The following CREM variants were observed in gnomAD, a reference collection of about 807,000 sequenced individuals.
CREM encodes cAMP-responsive element modulator.
In CREM, 13 loss-of-function variants were observed where a neutral mutation model predicts 37.3. The observed-to-expected ratio is 0.35, with a 90% CI of 0.23 to 0.55. The LOEUF is 0.55. CREM is among the 20% of genes least tolerant of loss of function. CREM has a pLI of 0.88. For synonymous variants in CREM, 124 were observed against 120.2 expected (o/e 1.03, Z -0.21); for missense variants, 296 against 362.3 (o/e 0.82, Z 1.49).
intron 5 of CREM, among the ~76,000 whole-genome samples, chr10:35,184,576 A>T (rs1246529849): frequency 6.6e-6 from 1 of 152,194 alleles, no homozygotes; most frequent in Non-Finnish European, 1.5e-5. Flanking sequence ...GCCTGACTTA[A>T]TCAGTAGAAA....
At chr10:35,162,401 A>G (rs751482930) in intron 3 of CREM, among the ~76,000 whole-genome samples, 1 of 152,136 alleles carries the variant, frequency 6.6e-6, no homozygotes, top group East Asian at 1.9e-4. Flanking sequence ...AAATGCAGAG[A>G]TAGTTGAATG....
intron 6 of CREM, among the ~76,000 whole-genome samples, chr10:35,194,614 G>T (rs146335366): frequency 1.7e-3 from 260 of 152,202 alleles, no homozygotes; most frequent in African/African-American, 5.7e-3. Context: ...GGAAGAGTTG[G>T]ATTTTTTGAT....
chr10:35,187,153 A>AT (rs1462171042), intron 5 of CREM, among the ~76,000 whole-genome samples: 3 of 54,366 alleles, frequency 5.5e-5, no homozygotes, highest in African/African-American at 7.2e-5. Flanking sequence ...TATAATATAT[A>AT]TAATATATAT....
rs536749115 is a variant in CREM at position 35,151,762 on chromosome 10, C to T, written c.168+3271C>T. On this transcript the variant is annotated intron_variant, in intron 3 of 7. Transcript: ENST00000685392. Reference sequence around the variant, plus strand: ...GATTAAGAAGTAATCTGTATGCCGACTTATGGATTATTTTAGTTAACTAAG... The same window carrying T: ...GATTAAGAAGTAATCTGTATGCCGATTTATGGATTATTTTAGTTAACTAAG... Among the ~76,000 whole-genome samples the T allele has an allele frequency of 3.3e-5, 5 of 152,238 alleles. No homozygotes were observed. The East Asian group carries it at 5.8e-4, about 18-fold the overall frequency.
chr10:35,185,415 C>A (rs1465330396), intron 5 of CREM, among the ~76,000 whole-genome samples: 2 of 152,218 alleles, frequency 1.3e-5, no homozygotes, highest in African/African-American at 4.8e-5. Context: ...AGGCTTTGTA[C>A]TTCTAATACA....
intron 3 of CREM, 199 bp downstream of exon 3, chr10:35,148,690 C>T (rs940412922): frequency 1.7e-5 from 9 of 517,542 alleles, no homozygotes; most frequent in Non-Finnish European, 2.6e-5. Context: ...GCCCCATCTC[C>T]ATTGCCACCA....
At chr10:35,207,669 G>C (rs1370689110) in intron 7 of CREM, among the ~76,000 whole-genome samples, 1 of 152,008 alleles carries the variant, frequency 6.6e-6, no homozygotes, top group Non-Finnish European at 1.5e-5. Flanking sequence ...AGCTACTCGG[G>C]AGGCTGAGGC....
At chr10:35,161,892 G>A (rs1486135589) in intron 3 of CREM, among the ~76,000 whole-genome samples, 1 of 152,110 alleles carries the variant, frequency 6.6e-6, no homozygotes, top group Non-Finnish European at 1.5e-5. Flanking sequence ...AAAAATAGAA[G>A]TACCAGATGA....
chr10:35,189,131 T>C (rs2094790847), intron 6 of CREM, among the ~76,000 whole-genome samples: 2 of 152,200 alleles, frequency 1.3e-5, no homozygotes, highest in South Asian at 2.1e-4. Context: ...TCAAGTCTAA[T>C]TTCTAGGCAA....
Position 35,154,795 on chromosome 10 carries a change from G to A in CREM, c.168+6304G>A, listed in dbSNP as rs528604210. Among the ~76,000 whole-genome samples, 237 of 152,160 alleles carry A rather than the reference G, an allele frequency of 1.6e-3. 1 individual carries two copies. The highest frequency in any genetic ancestry group is 5.4e-3 in the African/African-American group (224 of 41,546). On this transcript the variant is annotated intron_variant, in intron 3 of 7. Transcript: ENST00000685392. Reference sequence around the variant, plus strand: ...TCAGAAAAACCCACTGCTTTGAACCGTAACTCATTATTGAAGGTAATTCAA... The same window carrying A: ...TCAGAAAAACCCACTGCTTTGAACCATAACTCATTATTGAAGGTAATTCAA...
intron 7 of CREM, among the ~76,000 whole-genome samples, chr10:35,207,437 AAAT>A (rs1314960278): frequency 4.0e-5 from 6 of 150,758 alleles, no homozygotes; most frequent in Admixed American, 6.6e-5. Flanking sequence ...AATGATAATA[AAAT>A]AATGATAAAA....
At chr10:35,158,412 C>T in intron 3 of CREM, 1 of 286,590 alleles carries the variant, frequency 3.5e-6, no homozygotes, top group South Asian at 3.1e-5. Flanking sequence ...CTGAAGCAGG[C>T]CAAAGAAGTA....
chr10:35,198,212 T>A (rs1234511284), intron 6 of CREM, among the ~76,000 whole-genome samples: 1 of 151,998 alleles, frequency 6.6e-6, no homozygotes, highest in Non-Finnish European at 1.5e-5. Context: ...ACCTACAGGA[T>A]CATGAAGTGA....
At position 35,179,242 on chromosome 10, in the gene CREM, A is replaced by C. The variant is rs774939676; in HGVS notation, c.375A>C (p.Pro125=). Residue 125 remains proline, a synonymous_variant, in exon 5 of 8, where the codon CCA becomes CCC. Coordinates refer to ENST00000685392, the MANE Select transcript of CREM (RefSeq NM_183011.2). ...TPPSIATMAV[P]TSIYQTSTGQ... is the part of the protein sequence containing the mutation. ...CTAGTATTGCTACCATGGCAGTACC[A>C]ACTAGCATATATCAGACTAGCACGG... is the stretch of plus-strand genomic sequence containing the variant. 8.1e-6 allele frequency: 13 copies of C among 1,613,944 alleles called. No individual in the cohort carries two copies. In the East Asian group the frequency reaches 2.0e-4, roughly 25 times the overall value.
intron 2 of CREM, among the ~76,000 whole-genome samples, 184 bp downstream of exon 2, chr10:35,138,063 T>C (rs763798103): frequency 6.6e-6 from 1 of 152,230 alleles, no homozygotes; most frequent in Non-Finnish European, 1.5e-5. Flanking sequence ...TGCTGGGCAC[T>C]GTAGGAGATG....
chr10:35,172,660 C>T (rs931773032), intron 3 of CREM, among the ~76,000 whole-genome samples: 3 of 151,712 alleles, frequency 2.0e-5, no homozygotes, highest in African/African-American at 7.3e-5. Context: ...ACTCTGAGTA[C>T]ATGCTGTTTT....
chr10:35,167,719 T>C (rs1234514227), intron 3 of CREM: 2 of 1,613,882 alleles, frequency 1.2e-6, no homozygotes, highest in South Asian at 1.1e-5. Flanking sequence ...AGTGGGATTT[T>C]TGGTGGATGT....
intron 1 of CREM, among the ~76,000 whole-genome samples, chr10:35,136,245 A>G (rs2090494855): frequency 1.3e-5 from 2 of 152,168 alleles, no homozygotes; most frequent in Admixed American, 6.5e-5. Flanking sequence ...CCTTTTTTCT[A>G]TGATATAGTG....
At chr10:35,185,515 A>G (rs1391695252) in intron 5 of CREM, among the ~76,000 whole-genome samples, 1 of 152,196 alleles carries the variant, frequency 6.6e-6, no homozygotes, top group Non-Finnish European at 1.5e-5. Context: ...ACATTCAAAT[A>G]TATGAAAACA....
Sources: allele counts gnomAD v4.1 joint callset (sites outside exome capture counted in the v4.1 genomes callset), GRCh38; gene constraint gnomAD v4.1.1; transcripts MANE v1.5; gene names NCBI Gene and HGNC (gene_info 2026-07-23, HGNC 2026-07-21).